ADGRB3: variants seen among roughly 807,000 people sequenced by gnomAD.
The protein encoded by ADGRB3 is brain-specific angiogenesis inhibitor 3.
ADGRB3 carries 37 observed loss-of-function variants against 193.4 expected under a neutral mutation model. The ratio of observed to expected loss-of-function variants is 0.19; its 90% confidence interval spans 0.15 to 0.25. The LOEUF is 0.25. Ranked by LOEUF, ADGRB3 falls within the 10% of genes least tolerant of loss-of-function variation. ADGRB3 has a pLI of 1.00. For synonymous variants in ADGRB3, 690 were observed against 644.2 expected (o/e 1.07, Z -1.08); for missense variants, 1,637 against 1,852.9 (o/e 0.88, Z 2.14).
intron 17 of ADGRB3, among the ~76,000 whole-genome samples, chr6:69,192,690 A>G (rs946556845): frequency 3.9e-5 from 6 of 152,168 alleles, no homozygotes; most frequent in Admixed American, 3.3e-4. Context: ...TTGTGTGTAT[A>G]GTAGTGATTT....
At position 69,134,416 on chromosome 6, in the gene ADGRB3, G is replaced by C. The variant is rs540478518; in HGVS notation, c.2480+58378G>C. 2.0e-5 allele frequency among the ~76,000 whole-genome samples: 3 copies of C among 152,052 alleles called. No individual in the cohort carries two copies. The South Asian group carries it at 6.2e-4, about 32-fold the overall frequency. On this transcript the variant is annotated intron_variant, in intron 17 of 31. Transcript: ENST00000370598. ...ATTACATTGTTGTCTCAGCTAACTT[G>C]TGTATTGTTTTGCCAATTGCACTGT...
intron 20 of ADGRB3, among the ~76,000 whole-genome samples, chr6:69,320,992 C>G (rs912724169): frequency 1.3e-5 from 2 of 151,706 alleles, no homozygotes; most frequent in African/African-American, 4.8e-5. Context: ...GACTTCAGAA[C>G]TTCTGTGTCA....
intron 3 of ADGRB3, among the ~76,000 whole-genome samples, chr6:68,836,514 T>C (rs1400639462): frequency 1.3e-5 from 2 of 152,144 alleles, no homozygotes; most frequent in Non-Finnish European, 2.9e-5. Context: ...TACTTCAGCA[T>C]CTTCAACTTG....
At chr6:69,125,218 G>A (rs1227848150) in intron 17 of ADGRB3, among the ~76,000 whole-genome samples, 1 of 152,140 alleles carries the variant, frequency 6.6e-6, no homozygotes, top group Non-Finnish European at 1.5e-5. Flanking sequence ...GAAGTCCAGA[G>A]TTCCCTTAGC....
chr6:69,240,412 A>G (rs1235964273), intron 20 of ADGRB3, among the ~76,000 whole-genome samples: 2 of 152,028 alleles, frequency 1.3e-5, no homozygotes, highest in Non-Finnish European at 2.9e-5. Flanking sequence ...TCCTCCACTT[A>G]TTTCCTGTAT....
At chr6:69,117,051 A>C (rs1017669636) in intron 17 of ADGRB3, among the ~76,000 whole-genome samples, 1 of 152,208 alleles carries the variant, frequency 6.6e-6, no homozygotes, top group Admixed American at 6.5e-5. Flanking sequence ...TTACAAAAGT[A>C]ATATATATAA....
At chr6:68,971,331 G>A (rs1271907885) in intron 8 of ADGRB3, among the ~76,000 whole-genome samples, 1 of 152,086 alleles carries the variant, frequency 6.6e-6, no homozygotes, top group East Asian at 1.9e-4. Context: ...GTCATACCTT[G>A]GTTCCAGGAC....
chr6:68,775,684 A>G (rs139210451), intron 3 of ADGRB3, among the ~76,000 whole-genome samples: 82 of 152,204 alleles, frequency 5.4e-4, no homozygotes, highest in African/African-American at 1.7e-3. Context: ...GCAAGACTCC[A>G]TTTTGTGTTT....
intron 20 of ADGRB3, among the ~76,000 whole-genome samples, chr6:69,303,843 A>T (rs1768003849): frequency 6.6e-6 from 1 of 151,970 alleles, no homozygotes; most frequent in African/African-American, 2.4e-5. Flanking sequence ...TTTAGTAATT[A>T]AATAGGATTT....
At chr6:69,239,819 T>C (rs1766347628) in intron 20 of ADGRB3, among the ~76,000 whole-genome samples, 2 of 152,132 alleles carry the variant, frequency 1.3e-5, no homozygotes, top group Admixed American at 6.6e-5. Flanking sequence ...AACCAATTTA[T>C]GAGTTGAATG....
chr6:69,244,430 A>C (rs557007890), intron 20 of ADGRB3, among the ~76,000 whole-genome samples: 1 of 152,090 alleles, frequency 6.6e-6, no homozygotes, highest in Non-Finnish European at 1.5e-5. Flanking sequence ...GCACTCTCTA[A>C]TTCAACTATT....
chr6:69,077,985 T>C (rs1233876991), intron 17 of ADGRB3, among the ~76,000 whole-genome samples: 4 of 151,986 alleles, frequency 2.6e-5, no homozygotes, highest in African/African-American at 9.7e-5. Flanking sequence ...GCAACTTTAT[T>C]TCCTTTCTTC....
chr6:68,637,142 A>G (rs1446736129), intron 1 of ADGRB3, among the ~76,000 whole-genome samples: 2 of 152,164 alleles, frequency 1.3e-5, no homozygotes, highest in Non-Finnish European at 1.5e-5. Context: ...GTTATTTTAA[A>G]CTGCTGCTAT....
At chr6:68,731,583 A>G (rs985243188) in intron 3 of ADGRB3, among the ~76,000 whole-genome samples, 1 of 151,628 alleles carries the variant, frequency 6.6e-6, no homozygotes, top group Non-Finnish European at 1.5e-5. Flanking sequence ...TTTTAATAAT[A>G]TGATGTATCA....
intron 3 of ADGRB3, among the ~76,000 whole-genome samples, chr6:68,706,948 A>G (rs1411115180): frequency 6.6e-6 from 1 of 151,992 alleles, no homozygotes; most frequent in Non-Finnish European, 1.5e-5. Context: ...CGTCTCTACT[A>G]AAAATACAAA....
intron 3 of ADGRB3, among the ~76,000 whole-genome samples, chr6:68,672,698 C>T (rs528306151): frequency 2.0e-5 from 3 of 152,082 alleles, no homozygotes; most frequent in African/African-American, 7.2e-5. Flanking sequence ...GTCAAGTTGG[C>T]TAGTACATGG....
intron 20 of ADGRB3, among the ~76,000 whole-genome samples, chr6:69,256,776 T>C (rs2127270346): frequency 6.6e-6 from 1 of 152,356 alleles, no homozygotes; most frequent in African/African-American, 2.4e-5. Context: ...ATCCCTGTCT[T>C]GTGCCAGTTT....
chr6:68,941,624 T>G (rs1016032600), intron 5 of ADGRB3, among the ~76,000 whole-genome samples: 1 of 152,004 alleles, frequency 6.6e-6, no homozygotes, highest in Non-Finnish European at 1.5e-5. Flanking sequence ...CATAGCATCA[T>G]TAACTTTTTA....
At chr6:69,362,628 C>T (rs1769477443) in intron 29 of ADGRB3, among the ~76,000 whole-genome samples, 2 of 151,942 alleles carry the variant, frequency 1.3e-5, no homozygotes, top group South Asian at 4.2e-4. Flanking sequence ...TCTGGATCAC[C>T]CTCAAACTGA....
Sources: gnomAD v4.1 joint callset for allele counts (sites outside exome capture counted in the v4.1 genomes callset) on GRCh38, gnomAD v4.1.1 for gene constraint, MANE v1.5 for transcripts, NCBI Gene and HGNC (gene_info 2026-07-23, HGNC 2026-07-21) for gene names.